PIK3R3: variants seen among roughly 807,000 people sequenced by gnomAD.
PIK3R3 encodes the protein phosphoinositide-3-kinase regulatory subunit 3, also known as phosphatidylinositol 3-kinase regulatory subunit gamma.
A neutral mutation model predicts 62.9 loss-of-function variants in PIK3R3; 64 were observed. That is an observed-to-expected ratio of 1.02 (90% confidence interval 0.83 to 1.25). The LOEUF is 1.25. Ranked by LOEUF, PIK3R3 falls within the 50% of genes most tolerant of loss-of-function variation. The pLI, the probability that PIK3R3 is intolerant of heterozygous loss-of-function variation, is 0.00. For missense variants in PIK3R3, 614 were observed against 561.6 expected, an observed-to-expected ratio of 1.09 and a Z score of -0.94; for synonymous variants, 165 against 189.0, an observed-to-expected ratio of 0.87 and a Z score of 1.04.
chr1:46,081,151 C>CA (rs1189852080), intron 1 of PIK3R3, among the ~76,000 whole-genome samples: 2 of 150,860 alleles, frequency 1.3e-5, no homozygotes, highest in African/African-American at 4.9e-5. Flanking sequence ...TTCTTACTAC[C>CA]AAAAAAAAGG....
At chr1:46,139,649 T>C in the PIK3R3 span, among the ~76,000 whole-genome samples, 2 of 152,276 alleles carry the variant, frequency 1.3e-5, no homozygotes, top group Admixed American at 1.3e-4. Flanking sequence ...CCTAAGACCA[T>C]AAGATCAGGA....
At chr1:46,071,469 G>A (rs1382002561) in intron 3 of PIK3R3, among the ~76,000 whole-genome samples, 1 of 151,392 alleles carries the variant, frequency 6.6e-6, no homozygotes, top group African/African-American at 2.4e-5. Flanking sequence ...GCCGAGGCGG[G>A]CAGATCACCT....
At chr1:46,101,980 C>CTTTTTTTTTTT (rs538688681) in intron 1 of PIK3R3, among the ~76,000 whole-genome samples, 3 of 89,930 alleles carry the variant, frequency 3.3e-5, no homozygotes, top group African/African-American at 4.5e-5. Context: ...GAATTGTATA[C>CTTTTTTTTTTT]TTTTTTTTTT....
chr1:46,116,345 T>C (rs780946357), intron 1 of PIK3R3, among the ~76,000 whole-genome samples: 3 of 151,768 alleles, frequency 2.0e-5, no homozygotes, highest in Non-Finnish European at 2.9e-5. Context: ...ACGCCGTCTC[T>C]ACAAAAATTA....
the PIK3R3 span, among the ~76,000 whole-genome samples, chr1:46,168,312 G>A: frequency 1.3e-5 from 2 of 152,258 alleles, no homozygotes; most frequent in East Asian, 3.9e-4. Context: ...GTGTCTGCTA[G>A]TCTGTTTTCT....
At chr1:46,173,847 A>T in the PIK3R3 span, among the ~76,000 whole-genome samples, 1 of 152,080 alleles carries the variant, frequency 6.6e-6, no homozygotes, top group Non-Finnish European at 1.5e-5. Flanking sequence ...ACACAGACAC[A>T]AGTGTGGGCA....
chr1:46,095,158 C>T (rs538762850), intron 1 of PIK3R3, among the ~76,000 whole-genome samples: 5 of 152,020 alleles, frequency 3.3e-5, no homozygotes, highest in African/African-American at 7.3e-5. Flanking sequence ...ATAAATCATC[C>T]TATTATTAAG....
At chr1:46,171,976 C>G in the PIK3R3 span, among the ~76,000 whole-genome samples, 1 of 152,044 alleles carries the variant, frequency 6.6e-6, no homozygotes, top group Non-Finnish European at 1.5e-5. Flanking sequence ...GCAGCCTGGA[C>G]CTTCTTCCAG....
At chr1:46,172,717 G>C in the PIK3R3 span, among the ~76,000 whole-genome samples, 6 of 152,152 alleles carry the variant, frequency 3.9e-5, no homozygotes, top group African/African-American at 1.4e-4. Flanking sequence ...AAAGGGCTGA[G>C]CCAGGTGGCT....
the PIK3R3 span, among the ~76,000 whole-genome samples, chr1:46,143,042 G>A: frequency 6.6e-6 from 1 of 152,042 alleles, no homozygotes; most frequent in Non-Finnish European, 1.5e-5. Context: ...AGGTAGACAA[G>A]GCCACACTAA....
the PIK3R3 span, among the ~76,000 whole-genome samples, chr1:46,142,484 G>A: frequency 6.6e-6 from 1 of 152,202 alleles, no homozygotes; most frequent in African/African-American, 2.4e-5. Flanking sequence ...GGATCACGAG[G>A]TCAGGAGATC....
At chr1:46,046,792 C>T (rs1429887546) in intron 7 of PIK3R3, 167 bp from the exon 8 acceptor site, 2 of 580,554 alleles carry the variant, frequency 3.4e-6, no homozygotes, top group Non-Finnish European at 6.1e-6. Context: ...ACTTTTCTTT[C>T]AACTACTATC....
upstream of PIK3R3, among the ~76,000 whole-genome samples, chr1:46,136,079 T>C (rs1655920976): frequency 6.6e-6 from 1 of 151,136 alleles, no homozygotes; most frequent in Non-Finnish European, 1.5e-5. Context: ...ACTTTTTTTT[T>C]TTTTTTTTGA....
chr1:46,077,485 G>T, intron 3 of PIK3R3, 30 bp downstream of exon 3: 1 of 1,158,002 alleles, frequency 8.6e-7, no homozygotes, highest in Non-Finnish European at 1.3e-6. Flanking sequence ...CATCAGTAGA[G>T]AACTAGCCAA....
At chr1:46,151,946 C>G in the PIK3R3 span, among the ~76,000 whole-genome samples, 2 of 152,176 alleles carry the variant, frequency 1.3e-5, no homozygotes, top group African/African-American at 4.8e-5. Context: ...GTAGAAGAAT[C>G]TAAAAGACCA....
At chr1:46,169,147 T>C in the PIK3R3 span, among the ~76,000 whole-genome samples, 1 of 152,202 alleles carries the variant, frequency 6.6e-6, no homozygotes. Flanking sequence ...ATTTTACCTA[T>C]TGAAGCCTCA....
At chr1:46,172,134 T>G in the PIK3R3 span, among the ~76,000 whole-genome samples, 1 of 152,194 alleles carries the variant, frequency 6.6e-6, no homozygotes, top group Non-Finnish European at 1.5e-5. Flanking sequence ...TGGCCTGGCC[T>G]GCTCCTCCTG....
the PIK3R3 span, among the ~76,000 whole-genome samples, chr1:46,173,924 G>A: frequency 7.9e-5 from 12 of 152,218 alleles, no homozygotes; most frequent in South Asian, 1.0e-3. Flanking sequence ...TCCCAGGGCC[G>A]CAGGGGCAGG....
At chr1:46,103,177 G>A (rs939410473) in intron 1 of PIK3R3, among the ~76,000 whole-genome samples, 1 of 152,156 alleles carries the variant, frequency 6.6e-6, no homozygotes, top group Non-Finnish European at 1.5e-5. Context: ...GGGAAACGAC[G>A]AGTCACTGTT....
Sources: allele counts gnomAD v4.1 joint callset (sites outside exome capture counted in the v4.1 genomes callset), GRCh38; gene constraint gnomAD v4.1.1; transcripts MANE v1.5; gene names NCBI Gene and HGNC (gene_info 2026-07-23, HGNC 2026-07-21).